CDC45: variants seen among roughly 807,000 people sequenced by gnomAD.
The protein encoded by CDC45 is cell division control protein 45 homolog.
A neutral mutation model predicts 77.8 loss-of-function variants in CDC45; 54 were observed. That is an observed-to-expected ratio of 0.69 (90% CI 0.56 to 0.87). The LOEUF (loss-of-function observed/expected upper bound fraction) is 0.87, where lower values mean the gene tolerates loss of function less well. Ranked by LOEUF, CDC45 falls within the 40% of genes least tolerant of loss-of-function variation. The pLI is 0.00. For missense variants in CDC45, 649 were observed against 721.6 expected, an observed-to-expected ratio of 0.90 and a Z score of 1.15; for synonymous variants, 260 against 272.1, an observed-to-expected ratio of 0.96 and a Z score of 0.44.
intron 18 of CDC45, among the ~76,000 whole-genome samples, chr22:19,519,189 C>T (rs1439780449): frequency 6.6e-6 from 1 of 152,240 alleles, no homozygotes; most frequent in Non-Finnish European, 1.5e-5. Flanking sequence ...TTGGGCTGGG[C>T]ATCGCGTGTG....
At chr22:19,497,127 T>C (rs1242469842) in intron 7 of CDC45, among the ~76,000 whole-genome samples, 1 of 152,174 alleles carries the variant, frequency 6.6e-6, no homozygotes, top group Non-Finnish European at 1.5e-5. Context: ...AAGTGAATTC[T>C]TCCCTTGCTA....
upstream of CDC45, chr22:19,479,760 C>G (rs1286256269): frequency 4.6e-6 from 3 of 648,302 alleles, no homozygotes; most frequent in African/African-American, 1.8e-5. Context: ...TCTTTGGGGG[C>G]GGGCTGGAGT....
intron 5 of CDC45, among the ~76,000 whole-genome samples, chr22:19,485,368 G>A (rs1227221244): frequency 6.6e-6 from 1 of 152,250 alleles, no homozygotes; most frequent in African/African-American, 2.4e-5. Context: ...GGGGGAGACA[G>A]ATACTGATCA....
At position 19,494,308 on chromosome 22, in the gene CDC45, C is replaced by T. The variant is rs1188306904; in HGVS notation, c.487-19C>T. On this transcript the variant is annotated intron_variant, in intron 5 of 18. Coordinates refer to ENST00000263201, the MANE Select transcript of CDC45 (RefSeq NM_003504.5). ...TGGTGCATTTGCTCCACCTTTTGTT[C>T]TCTTTGTCCCTGTATCAGGAGATAG... The T allele has an allele frequency of 1.2e-6, 2 of 1,610,886 alleles. No individual in the cohort carries two copies. The highest frequency in any genetic ancestry group is 1.3e-5 in the African/African-American group (1 of 74,832).
chr22:19,518,991 A>C, intron 18 of CDC45, 82 bp downstream of exon 18: 2 of 1,048,922 alleles, frequency 1.9e-6, no homozygotes, highest in Non-Finnish European at 3.0e-6. Flanking sequence ...TCCTCCCTCA[A>C]CGGAGGCTTC....
chr22:19,482,705 C>T lies in CDC45; in HGVS notation c.220C>T (p.Leu74Phe), dbSNP rs1315513635. 6.2e-7 allele frequency: 1 copy of T among 1,612,804 alleles called. No individual in the cohort carries two copies. The highest frequency in any genetic ancestry group is 8.5e-7 in the Non-Finnish European group (1 of 1,178,988). Residue 74 changes from leucine (L) to phenylalanine (F), a missense_variant, in exon 4 of 19, where the codon CTC becomes TTC. Leu to Phe is a conservative substitution (Grantham distance 22). Coordinates refer to ENST00000263201, the MANE Select transcript of CDC45 (RefSeq NM_003504.5). ...EHKEQFHYFI[L>F]INCGANVDLL... Reference sequence around the variant, plus strand: ...TTTTTTTCAGTTTCATTATTTTATTCTCATAAACTGTGGAGCTAATGTAGA... The same window carrying T: ...TTTTTTTCAGTTTCATTATTTTATTTTCATAAACTGTGGAGCTAATGTAGA...
intron 10 of CDC45, among the ~76,000 whole-genome samples, 190 bp downstream of exon 10, chr22:19,505,671 G>C (rs558207343): frequency 6.6e-6 from 1 of 152,366 alleles, no homozygotes; most frequent in Admixed American, 6.5e-5. Context: ...CTAAATGCCA[G>C]AGCTGAGTTT....
chr22:19,496,080 G>A, intron 7 of CDC45, 51 bp downstream of exon 7: 3 of 1,242,826 alleles, frequency 2.4e-6, no homozygotes, highest in Non-Finnish European at 3.5e-6. Flanking sequence ...CCAGGGGTCA[G>A]TGTCCTCAAA....
rs553787855 is a variant in CDC45 at position 19,483,721 on chromosome 22, C to T, written c.343-141C>T. On this transcript the variant is annotated intron_variant, in intron 4 of 18. Transcript: ENST00000263201. ...AAGAAAATTCCTTAGAAGCCTGGAA[C>T]TCTTGTTAAATAGGTAGCTATTTGT... 7.4e-4 allele frequency: 577 copies of T among 774,816 alleles called. 7 individuals are homozygous for T. The South Asian group carries it at 1.0e-2, about 13-fold the overall frequency. The allele number at this position is 774,816 out of a possible 1,614,324, so 48.0% of individuals were successfully genotyped here. A position where few individuals can be genotyped will look rare whatever the true frequency, so the allele number is the denominator to read the frequency against.
chr22:19,509,543 T>C (rs1207717414), intron 13 of CDC45, among the ~76,000 whole-genome samples: 1 of 152,224 alleles, frequency 6.6e-6, no homozygotes, highest in Non-Finnish European at 1.5e-5. Flanking sequence ...TTCCCAGCTT[T>C]AATTTGTTTG....
chr22:19,501,237 A>G (rs1932892053), intron 9 of CDC45, among the ~76,000 whole-genome samples: 1 of 152,028 alleles, frequency 6.6e-6, no homozygotes, highest in Non-Finnish European at 1.5e-5. Context: ...GAAGCCCCTT[A>G]TGGGTATTTG....
chr22:19,489,963 G>C (rs914162826), intron 5 of CDC45, among the ~76,000 whole-genome samples: 7 of 152,120 alleles, frequency 4.6e-5, no homozygotes, highest in African/African-American at 1.7e-4. Context: ...TAGCTCTCTT[G>C]TGCGCACACA....
chr22:19,498,390 G>T (rs1434349848), intron 8 of CDC45, among the ~76,000 whole-genome samples: 2 of 152,210 alleles, frequency 1.3e-5, no homozygotes, highest in Non-Finnish European at 2.9e-5. Context: ...GGCAAAATTT[G>T]ATGTAGGAAG....
intron 9 of CDC45, among the ~76,000 whole-genome samples, chr22:19,500,491 C>G (rs901811352): frequency 2.0e-5 from 3 of 152,132 alleles, no homozygotes; most frequent in Admixed American, 6.5e-5. Flanking sequence ...GATTGTAGTT[C>G]CCCTAACTGC....
At chr22:19,493,805 C>T (rs1210070116) in intron 5 of CDC45, among the ~76,000 whole-genome samples, 1 of 152,210 alleles carries the variant, frequency 6.6e-6, no homozygotes, top group African/African-American at 2.4e-5. Context: ...TGGGGAAAAA[C>T]ATATCTACTC....
intron 5 of CDC45, among the ~76,000 whole-genome samples, chr22:19,489,415 G>C (rs1220967031): frequency 2.0e-5 from 3 of 151,502 alleles, no homozygotes; most frequent in Admixed American, 2.0e-4. Flanking sequence ...CTTGTCTGCT[G>C]CCTGGTAACC....
intron 8 of CDC45, among the ~76,000 whole-genome samples, chr22:19,497,793 A>G (rs1226826794): frequency 6.6e-6 from 1 of 152,124 alleles, no homozygotes; most frequent in Non-Finnish European, 1.5e-5. Flanking sequence ...TCACATCCTT[A>G]ATTCTACATC....
At chr22:19,479,526 A>G (rs2089936648), upstream of CDC45, 3 of 567,570 alleles carry the variant, frequency 5.3e-6, no homozygotes, top group South Asian at 4.6e-5. Flanking sequence ...ATCCTTCTTC[A>G]AACCACACCA....
At chr22:19,506,163 A>G (rs919381493) in intron 10 of CDC45, among the ~76,000 whole-genome samples, 1 of 152,188 alleles carries the variant, frequency 6.6e-6, no homozygotes, top group Non-Finnish European at 1.5e-5. Flanking sequence ...GTCAGATAGC[A>G]TGATGTCAGG....
Sources: gnomAD v4.1 joint callset for allele counts (sites outside exome capture counted in the v4.1 genomes callset) on GRCh38, gnomAD v4.1.1 for gene constraint, MANE v1.5 for transcripts, NCBI Gene and HGNC (gene_info 2026-07-23, HGNC 2026-07-21) for gene names.